Variants in EPHB1 observed in about 807,000 individuals in gnomAD.
The protein encoded by EPHB1 is ephrin type-B receptor 1.
EPHB1 carries 30 observed loss-of-function variants against 94.4 expected under a neutral mutation model. The ratio of observed to expected loss-of-function variants is 0.32; its 90% confidence interval spans 0.24 to 0.43. EPHB1 has a LOEUF of 0.43. Ranked by LOEUF, EPHB1 falls within the 20% of genes least tolerant of loss-of-function variation. The pLI, the probability that EPHB1 is intolerant of heterozygous loss-of-function variation, is 1.00. For missense variants in EPHB1, 1,055 were observed against 1,308.3 expected, an observed-to-expected ratio of 0.81 and a Z score of 2.99; for synonymous variants, 522 against 489.1, an observed-to-expected ratio of 1.07 and a Z score of -0.89.
intron 8 of EPHB1, 119 bp downstream of exon 8, chr3:135,166,195 A>G (rs1383344010): frequency 2.8e-5 from 20 of 703,926 alleles, no homozygotes; most frequent in Non-Finnish European, 4.3e-5. Context: ...TCATCACTCC[A>G]TCTCAATCCA....
intron 1 of EPHB1, among the ~76,000 whole-genome samples, chr3:134,918,032 C>A (rs747122030): frequency 6.6e-6 from 1 of 152,226 alleles, no homozygotes; most frequent in Non-Finnish European, 1.5e-5. Context: ...GAACCCAGAT[C>A]TTCAGGGTTT....
chr3:135,142,930 C>A lies in EPHB1; in HGVS notation c.1297+9881C>A, dbSNP rs370025772. ...CCAAATGGCATTTTTGCAAAGGGTG[C>A]AGGAGATGGCGAGTGATGGTGTGAA... On this transcript the variant is annotated intron_variant, in intron 5 of 15. Transcript: ENST00000398015. Among the ~76,000 whole-genome samples, 14 of 152,134 alleles carry A rather than the reference C, an allele frequency of 9.2e-5. No individual in the cohort carries two copies. The East Asian group carries it at 1.5e-3, about 17-fold the overall frequency.
intron 3 of EPHB1, among the ~76,000 whole-genome samples, chr3:135,039,436 T>G (rs954385829): frequency 2.6e-4 from 39 of 152,306 alleles, no homozygotes; most frequent in South Asian, 4.1e-4. Flanking sequence ...GCATTCCTCA[T>G]CCCTTGGGTG....
intron 8 of EPHB1, 41 bp from the exon 9 acceptor site, chr3:135,166,901 G>T (rs772989275): frequency 1.2e-6 from 2 of 1,609,996 alleles, no homozygotes; most frequent in South Asian, 1.1e-5. Flanking sequence ...AGACTGGTGG[G>T]TGTGCCCTGT....
chr3:134,859,839 C>T (rs575409336), intron 1 of EPHB1, among the ~76,000 whole-genome samples: 17 of 152,032 alleles, frequency 1.1e-4, no homozygotes, highest in Non-Finnish European at 2.4e-4. Context: ...CAAATTTATA[C>T]GGCCGCAATC....
At chr3:135,021,406 G>T (rs1195933508) in intron 3 of EPHB1, among the ~76,000 whole-genome samples, 2 of 151,428 alleles carry the variant, frequency 1.3e-5, no homozygotes, top group East Asian at 3.9e-4. Context: ...CACAATTTAG[G>T]GCCTTCCCGA....
chr3:134,857,637 C>T (rs909618410), intron 1 of EPHB1, among the ~76,000 whole-genome samples: 5 of 152,074 alleles, frequency 3.3e-5, no homozygotes, highest in Non-Finnish European at 4.4e-5. Context: ...ACAAAGACTT[C>T]GTCCACCCCA....
chr3:135,096,272 A>AG (rs1211344362), intron 3 of EPHB1, among the ~76,000 whole-genome samples: 1 of 152,202 alleles, frequency 6.6e-6, no homozygotes. Context: ...TGGGGGGCTG[A>AG]GGGTCAAAGT....
intron 10 of EPHB1, among the ~76,000 whole-genome samples, chr3:135,181,337 A>G (rs968140607): frequency 2.0e-5 from 3 of 152,198 alleles, no homozygotes; most frequent in Non-Finnish European, 4.4e-5. Flanking sequence ...CATATTTCCC[A>G]TTGACTTTTA....
intron 1 of EPHB1, among the ~76,000 whole-genome samples, chr3:134,865,970 T>C (rs953024835): frequency 1.3e-5 from 2 of 152,206 alleles, no homozygotes; most frequent in Non-Finnish European, 2.9e-5. Context: ...GACTTCTCAC[T>C]GGGACTTGTT....
chr3:135,245,579 G>A (rs1362562551), intron 13 of EPHB1, among the ~76,000 whole-genome samples: 3 of 150,748 alleles, frequency 2.0e-5, no homozygotes, highest in Non-Finnish European at 4.4e-5. Flanking sequence ...AGGCCGAGGC[G>A]GGAGGATCAC....
chr3:134,834,212 T>A (rs1560254749), intron 1 of EPHB1, among the ~76,000 whole-genome samples: 1 of 152,132 alleles, frequency 6.6e-6, no homozygotes, highest in African/African-American at 2.4e-5. Flanking sequence ...TTCAGACATA[T>A]CCCAAATGCT....
intron 3 of EPHB1, among the ~76,000 whole-genome samples, chr3:134,968,095 G>T (rs992280072): frequency 6.6e-6 from 1 of 152,206 alleles, no homozygotes; most frequent in Non-Finnish European, 1.5e-5. Context: ...TTAAGAGCTG[G>T]CAGCTTGAGT....
intron 5 of EPHB1, among the ~76,000 whole-genome samples, chr3:135,139,371 C>A (rs968256682): frequency 3.3e-5 from 5 of 152,236 alleles, no homozygotes; most frequent in South Asian, 2.1e-4. Context: ...GGCATTTTAA[C>A]TTTGGAAATG....
intron 3 of EPHB1, among the ~76,000 whole-genome samples, chr3:135,018,601 C>T (rs1935885005): frequency 6.6e-6 from 1 of 152,160 alleles, no homozygotes; most frequent in Non-Finnish European, 1.5e-5. Context: ...TAGTAGATAC[C>T]TTTGAACAAA....
intron 3 of EPHB1, among the ~76,000 whole-genome samples, chr3:135,032,738 G>C (rs1258918036): frequency 6.6e-6 from 1 of 152,196 alleles, no homozygotes; most frequent in Non-Finnish European, 1.5e-5. Context: ...TTTTTAAGGA[G>C]AAAATTTCTC....
intron 3 of EPHB1, among the ~76,000 whole-genome samples, chr3:135,005,676 G>A (rs1473161755): frequency 1.3e-5 from 2 of 152,234 alleles, no homozygotes; most frequent in Non-Finnish European, 2.9e-5. Flanking sequence ...TGTTTTTTAA[G>A]CCCGTCGGAA....
chr3:135,229,053 A>C (rs918277528), intron 12 of EPHB1, among the ~76,000 whole-genome samples: 5 of 152,164 alleles, frequency 3.3e-5, no homozygotes, highest in African/African-American at 1.2e-4. Flanking sequence ...TTTCATCCCC[A>C]GTATAGAAGA....
chr3:134,888,910 GGA>G (rs1179247460), intron 1 of EPHB1, among the ~76,000 whole-genome samples: 1 of 133,622 alleles, frequency 7.5e-6, no homozygotes, highest in African/African-American at 2.7e-5. Flanking sequence ...CTCTGGAAGG[GGA>G]GGGGGGCCCT....
Sources: allele counts gnomAD v4.1 joint callset (sites outside exome capture counted in the v4.1 genomes callset), GRCh38; gene constraint gnomAD v4.1.1; transcripts MANE v1.5; gene names NCBI Gene and HGNC (gene_info 2026-07-23, HGNC 2026-07-21).